GRID2: variants seen among roughly 807,000 people sequenced by gnomAD.
GRID2 encodes the protein glutamate receptor ionotropic, delta-2.
In GRID2, 33 loss-of-function variants were observed where a neutral mutation model predicts 114.8. The ratio of observed to expected loss-of-function variants is 0.29; its 90% CI spans 0.22 to 0.38. GRID2 has a LOEUF of 0.38. Among genes scored for constraint, GRID2 ranks in the 10% least tolerant of loss-of-function variants. GRID2 has a pLI of 1.00. For missense variants in GRID2, 1,184 were observed against 1,257.7 expected, an observed-to-expected ratio of 0.94 and a Z score of 0.89; for synonymous variants, 505 against 449.9, an observed-to-expected ratio of 1.12 and a Z score of -1.55.
intron 2 of GRID2, among the ~76,000 whole-genome samples, chr4:92,643,970 T>C (rs1335850328): frequency 2.6e-5 from 4 of 151,798 alleles, no homozygotes; most frequent in Non-Finnish European, 5.9e-5. Flanking sequence ...CACACATTTA[T>C]TTAACTCATT....
chr4:92,352,435 A>T (rs1455685992), intron 1 of GRID2, among the ~76,000 whole-genome samples: 1 of 151,634 alleles, frequency 6.6e-6, no homozygotes, highest in Non-Finnish European at 1.5e-5. Context: ...TCAGGTGAAT[A>T]GTTTGCAAAT....
intron 10 of GRID2, among the ~76,000 whole-genome samples, chr4:93,434,077 C>A (rs1390695149): frequency 6.6e-6 from 1 of 152,094 alleles, no homozygotes; most frequent in Non-Finnish European, 1.5e-5. Context: ...GTCACAATGT[C>A]CACATCAGTG....
At chr4:93,398,943 A>G (rs896952005) in intron 9 of GRID2, among the ~76,000 whole-genome samples, 6 of 151,896 alleles carry the variant, frequency 4.0e-5, no homozygotes, top group Non-Finnish European at 8.8e-5. Flanking sequence ...ATTTTCTACA[A>G]GTGCCTTTTC....
chr4:93,192,124 G>GGAA (rs1176684041), intron 4 of GRID2, among the ~76,000 whole-genome samples: 2 of 152,058 alleles, frequency 1.3e-5, no homozygotes, highest in Non-Finnish European at 2.9e-5. Context: ...CTAGAAGACA[G>GGAA]GAACAGTAAT....
intron 13 of GRID2, among the ~76,000 whole-genome samples, chr4:93,608,939 G>A (rs1740635449): frequency 1.6e-5 from 2 of 128,062 alleles, no homozygotes; most frequent in Admixed American, 1.5e-4. Context: ...CAGTGTCAAA[G>A]TGTTCCTATT....
chr4:93,800,113 T>G (rs1287621470), intron 1 of GRID2, among the ~76,000 whole-genome samples: 1 of 152,222 alleles, frequency 6.6e-6, no homozygotes, highest in African/African-American at 2.4e-5. Context: ...TGTAATGTTA[T>G]AGGTTGACGA....
In GRID2 at chr4:92,581,957, C is replaced by A. The variant is rs534115834; in HGVS notation, c.89-8174C>A. Among the ~76,000 whole-genome samples, 3 of 152,054 alleles carry A rather than the reference C, an allele frequency of 2.0e-5. No individual in the cohort carries two copies. In the South Asian group the frequency reaches 6.2e-4, roughly 31 times the overall value. ...TGATCTTGACAATATCCTCTTTGAA[C>A]TTGATTTCCTATGTTTAAAATAAAA... On this transcript the variant is annotated intron_variant, in intron 1 of 15. Transcript: ENST00000282020.
intron 10 of GRID2, among the ~76,000 whole-genome samples, chr4:93,436,497 C>T (rs948109590): frequency 2.6e-5 from 4 of 151,878 alleles, no homozygotes; most frequent in African/African-American, 9.7e-5. Context: ...GAGCAAGCCT[C>T]GGGGAGTAGT....
chr4:93,589,345 T>A (rs1201716497), intron 13 of GRID2, among the ~76,000 whole-genome samples: 1 of 151,848 alleles, frequency 6.6e-6, no homozygotes, highest in Non-Finnish European at 1.5e-5. Flanking sequence ...GAATGATGGT[T>A]TCCAATTTCA....
Position 92,658,793 on chromosome 4 carries a change from GTATATA to G in GRID2, c.244+68528_244+68533del, listed in dbSNP as rs201480396. On this transcript the variant is annotated intron_variant, in intron 2 of 15. Coordinates refer to ENST00000282020, the MANE Select transcript of GRID2 (RefSeq NM_001510.4). The stretch of plus-strand genomic sequence containing the variant: ...TGTTTGCATGTATGTGTGTGTGTGT[GTATATA>G]TATATATATATATATATATACACAC... Among the ~76,000 whole-genome samples the G allele has an allele frequency of 3.9e-3, 513 of 132,338 alleles. 16 individuals are homozygous for G. Among genetic ancestry groups the G allele is most frequent in the Middle Eastern group, 0.015 (4 of 268 alleles). 86.8% of individuals were successfully genotyped at this position (132,338 alleles called of 152,430 possible). A position where few individuals can be genotyped will look rare whatever the true frequency, so the allele number is the denominator to read the frequency against.
intron 1 of GRID2, among the ~76,000 whole-genome samples, chr4:92,432,398 A>G (rs1455234497): frequency 6.6e-6 from 1 of 152,002 alleles, no homozygotes; most frequent in Non-Finnish European, 1.5e-5. Context: ...CTGAGTCACA[A>G]ACCTTAGGAA....
intron 13 of GRID2, among the ~76,000 whole-genome samples, chr4:93,542,034 AACTTGGGTCACT>A: frequency 1.3e-5 from 2 of 152,318 alleles, no homozygotes; most frequent in South Asian, 4.1e-4. Context: ...TACTTTGCCC[AACTTGGGTCACT>A]ACCCCTCACA....
At chr4:92,761,965 TGTCTCCAGGCTGGAGTGCAG>T (rs1738031664) in intron 2 of GRID2, among the ~76,000 whole-genome samples, 1 of 152,214 alleles carries the variant, frequency 6.6e-6, no homozygotes, top group Non-Finnish European at 1.5e-5. Context: ...AGTCTCGCTC[TGTCTCCAGGCTGGAGTGCAG>T]TGGCACAATC....
At chr4:92,511,603 G>T (rs111479134) in intron 1 of GRID2, among the ~76,000 whole-genome samples, 1 of 151,722 alleles carries the variant, frequency 6.6e-6, no homozygotes, top group Non-Finnish European at 1.5e-5. Context: ...ATAAATAATC[G>T]TTGCATTCAG....
At chr4:93,502,145 G>C (rs1728175697) in intron 12 of GRID2, among the ~76,000 whole-genome samples, 1 of 152,096 alleles carries the variant, frequency 6.6e-6, no homozygotes, top group Admixed American at 6.6e-5. Flanking sequence ...GACTGGAGTT[G>C]GCAGCCGGGG....
intron 11 of GRID2, among the ~76,000 whole-genome samples, chr4:93,470,377 A>G (rs1468815593): frequency 1.3e-5 from 2 of 152,274 alleles, no homozygotes; most frequent in South Asian, 2.1e-4. Context: ...GAAAATGAAC[A>G]GTAATTGCAG....
intron 14 of GRID2, among the ~76,000 whole-genome samples, chr4:93,728,687 A>C (rs1052065478): frequency 2.0e-5 from 3 of 152,176 alleles, no homozygotes; most frequent in Non-Finnish European, 4.4e-5. Context: ...GGGTGCATAT[A>C]TATTTAGGAT....
chr4:93,754,479 G>T (rs10516943), intron 14 of GRID2, among the ~76,000 whole-genome samples: 12,471 of 152,096 alleles, frequency 0.082, 1,281 homozygotes, highest in African/African-American at 0.24. Context: ...GCCATTATTT[G>T]CAGTGATCTA....
At position 92,369,029 on chromosome 4, in the gene GRID2, T is replaced by C. The variant is rs1044137868; in HGVS notation, c.88+64285T>C. 2.6e-5 allele frequency among the ~76,000 whole-genome samples: 4 copies of C among 151,986 alleles called. No homozygotes were observed. In the East Asian group the frequency reaches 5.8e-4, roughly 22 times the overall value. ...CATCCAATTATTTTACTCTTGCTGA[T>C]TAAATAAATCTGATATAATCGCCCT... On this transcript the variant is annotated intron_variant, in intron 1 of 15. Transcript: ENST00000282020.
Sources: gnomAD v4.1 joint callset for allele counts (sites outside exome capture counted in the v4.1 genomes callset) on GRCh38, gnomAD v4.1.1 for gene constraint, MANE v1.5 for transcripts, NCBI Gene and HGNC (gene_info 2026-07-23, HGNC 2026-07-21) for gene names.